The following ARMC2 variants were observed in gnomAD, a reference collection of about 807,000 sequenced individuals.
ARMC2 encodes the protein armadillo repeat containing 2, also known as armadillo repeat-containing protein 2.
In ARMC2, 67 loss-of-function variants were observed where a neutral mutation model predicts 90.3. The ratio of observed to expected loss-of-function variants is 0.74; its 90% confidence interval spans 0.61 to 0.91. The LOEUF is 0.91. Among genes scored for constraint, ARMC2 ranks in the 40% least tolerant of loss-of-function variants. The probability of loss-of-function intolerance (pLI) is 0.00; values close to 1 mark genes in which losing one functional copy is unlikely to be tolerated. For synonymous variants in ARMC2, 393 were observed against 393.0 expected, an observed-to-expected ratio of 1.00 and a Z score of 0.00; for missense variants, 920 against 1,030.9, an observed-to-expected ratio of 0.89 and a Z score of 1.47.
the ARMC2 span, among the ~76,000 whole-genome samples, chr6:109,028,130 C>A: frequency 6.6e-6 from 1 of 150,844 alleles, no homozygotes; most frequent in Middle Eastern, 3.4e-3. Context: ...CCTTTGCCTA[C>A]CCCCAGGTTG....
intron 10 of ARMC2, among the ~76,000 whole-genome samples, chr6:108,916,499 G>A (rs1422733715): frequency 6.6e-6 from 1 of 152,226 alleles, no homozygotes; most frequent in African/African-American, 2.4e-5. Context: ...GGCAAAACTG[G>A]AGATGCGAGT....
chr6:109,044,841 T>C, the ARMC2 span, among the ~76,000 whole-genome samples: 1 of 152,048 alleles, frequency 6.6e-6, no homozygotes. Flanking sequence ...CTGACCAACA[T>C]GAAGAAACCC....
the ARMC2 span, among the ~76,000 whole-genome samples, chr6:109,000,994 C>T: frequency 2.0e-5 from 3 of 152,092 alleles, no homozygotes; most frequent in African/African-American, 7.2e-5. Context: ...TTATTTACAT[C>T]TTGAACAGGA....
intron 4 of ARMC2, among the ~76,000 whole-genome samples, chr6:108,875,682 T>C (rs61079066): frequency 0.017 from 2,539 of 152,330 alleles, 80 homozygotes; most frequent in African/African-American, 0.059. Flanking sequence ...GCTTATTTTC[T>C]GTTGATTAGG....
chr6:108,877,663 T>G (rs929635449), intron 5 of ARMC2, among the ~76,000 whole-genome samples: 3 of 152,198 alleles, frequency 2.0e-5, no homozygotes, highest in African/African-American at 7.2e-5. Context: ...AAGGAAACAT[T>G]TATCTTGCTG....
At position 108,936,804 on chromosome 6, in the gene ARMC2, T is replaced by G. The variant is rs1021265595; in HGVS notation, c.1497-96T>G. 3 of 989,724 alleles carry G rather than the reference T, an allele frequency of 3.0e-6. No individual in the cohort carries two copies. The African/African-American group carries it at 4.9e-5, about 16-fold the overall frequency. 61.3% of individuals were successfully genotyped at this position (989,724 alleles called of 1,614,324 possible). A position where few individuals can be genotyped will look rare whatever the true frequency, so the allele number is the denominator to read the frequency against. ...AGACTCCTTTTCTTGAACTGGGCAATGTTTTGAAGGTCTGCATTTAAAGTG... is the reference window on the plus strand; with the variant it reads ...AGACTCCTTTTCTTGAACTGGGCAAGGTTTTGAAGGTCTGCATTTAAAGTG... On this transcript the variant is annotated intron_variant, in intron 11 of 17. Transcript: ENST00000392644.
chr6:108,953,290 G>A lies in ARMC2; in HGVS notation c.1854G>A (p.Pro618=), dbSNP rs779645318. Reference sequence around the variant, plus strand: ...TGCTGGCCAACATTGCCATCCACCCGGGCGTGGGCCCGGTGCTGGCCGCCA... The same window carrying A: ...TGCTGGCCAACATTGCCATCCACCCAGGCGTGGGCCCGGTGCTGGCCGCCA... ...TRVLANIAIH[P]GVGPVLAANP... The change falls in exon 13 of 18, where the codon CCG becomes CCA. Residue 618 remains proline, a synonymous_variant. Coordinates refer to ENST00000392644, the MANE Select transcript of ARMC2 (RefSeq NM_032131.6). 2.4e-5 allele frequency: 39 copies of A among 1,611,842 alleles called. No homozygotes were observed. Among genetic ancestry groups the A allele is most frequent in the South Asian group, 2.3e-4 (21 of 91,070 alleles).
chr6:108,988,773 A>G, the ARMC2 span: 1 of 1,086,136 alleles, frequency 9.2e-7, no homozygotes, highest in Non-Finnish European at 1.3e-6. Flanking sequence ...AATAGTTAAT[A>G]CTGTATTTTT....
chr6:108,933,794 C>T (rs1030235677), intron 11 of ARMC2, among the ~76,000 whole-genome samples: 4 of 152,098 alleles, frequency 2.6e-5, no homozygotes, highest in Non-Finnish European at 5.9e-5. Context: ...ATGATATTGG[C>T]TGTGGGTTTG....
chr6:108,989,323 T>C, the ARMC2 span, among the ~76,000 whole-genome samples: 42 of 152,110 alleles, frequency 2.8e-4, no homozygotes, highest in African/African-American at 9.4e-4. Flanking sequence ...TGAAAACAGA[T>C]TTTGAGTATT....
the ARMC2 span, among the ~76,000 whole-genome samples, chr6:109,005,019 A>C: frequency 6.6e-6 from 1 of 152,230 alleles, no homozygotes; most frequent in Non-Finnish European, 1.5e-5. Flanking sequence ...AATTTGTAAT[A>C]GTGATCAAAA....
Position 108,869,481 on chromosome 6 carries a change from G to C in ARMC2, c.463+486G>C, listed in dbSNP as rs188167044. 4.1e-3 allele frequency among the ~76,000 whole-genome samples: 622 copies of C among 152,220 alleles called. 2 individuals carry two copies. The highest frequency in any genetic ancestry group is 0.014 in the African/African-American group (583 of 41,548). ...TGAGATCGTGCCACTGCACCCCAGC[G>C]TGGGTGACGAGCAAGACTGTCTCAA... On this transcript the variant is annotated intron_variant, in intron 4 of 17. Coordinates refer to ENST00000392644, the MANE Select transcript of ARMC2 (RefSeq NM_032131.6).
chr6:109,030,529 T>C, the ARMC2 span, among the ~76,000 whole-genome samples: 5 of 152,104 alleles, frequency 3.3e-5, no homozygotes, highest in South Asian at 4.1e-4. Context: ...AGTTACTTTA[T>C]CCATAAGTTT....
chr6:108,932,621 C>T (rs2806350), intron 11 of ARMC2, among the ~76,000 whole-genome samples: 30,332 of 144,104 alleles, frequency 0.21, 3,364 homozygotes, highest in African/African-American at 0.26. Context: ...CTCTGCCTCC[C>T]GGGTTCACAC....
the ARMC2 span, among the ~76,000 whole-genome samples, chr6:109,017,644 G>T: frequency 2.0e-5 from 3 of 152,074 alleles, no homozygotes; most frequent in Non-Finnish European, 4.4e-5. Context: ...TCGAGATTGG[G>T]ATTTAAAGTT....
At chr6:109,051,142 C>G in the ARMC2 span, among the ~76,000 whole-genome samples, 1 of 150,186 alleles carries the variant, frequency 6.7e-6, no homozygotes, top group African/African-American at 2.5e-5. Context: ...CAGGAAATCT[C>G]TTAAAAACAA....
chr6:108,875,763 G>A (rs1444382358), intron 4 of ARMC2, among the ~76,000 whole-genome samples: 3 of 152,148 alleles, frequency 2.0e-5, no homozygotes, highest in Non-Finnish European at 2.9e-5. Flanking sequence ...TTGACATGGG[G>A]GAGCCACTCA....
Position 108,927,549 on chromosome 6 carries a change from A to ATT in ARMC2, c.1351-530_1351-529dup, listed in dbSNP as rs142531258. The stretch of plus-strand genomic sequence containing the variant: ...AAGGTAAAGTAGATAGCTTTCCTGA[A>ATT]TTTTTTTTTTAATAAAATAAGACAA... On this transcript the variant is annotated intron_variant, in intron 10 of 17. Transcript: ENST00000392644. Among the ~76,000 whole-genome samples, 26 of 150,562 alleles carry ATT rather than the reference A, an allele frequency of 1.7e-4. No homozygotes were observed. The South Asian group carries it at 5.0e-3, about 29-fold the overall frequency.
At chr6:109,035,720 C>T in the ARMC2 span, among the ~76,000 whole-genome samples, 4 of 152,104 alleles carry the variant, frequency 2.6e-5, no homozygotes, top group African/African-American at 9.7e-5. Flanking sequence ...CCCACCTTAG[C>T]CTCCCCAGTA....
Sources: allele counts gnomAD v4.1 joint callset (sites outside exome capture counted in the v4.1 genomes callset), GRCh38; gene constraint gnomAD v4.1.1; transcripts MANE v1.5; gene names NCBI Gene and HGNC (gene_info 2026-07-23, HGNC 2026-07-21).